Variants in SORCS1 observed in about 807,000 individuals in gnomAD.
The protein encoded by SORCS1 is VPS10 domain-containing receptor SorCS1.
Under a neutral mutation model 146.1 loss-of-function variants are expected in SORCS1, and 60 were observed. The observed-to-expected ratio is 0.41, with a 90% CI of 0.33 to 0.51. The LOEUF is 0.51. Ranked by LOEUF, SORCS1 falls within the 20% of genes least tolerant of loss-of-function variation. SORCS1 has a pLI of 0.21. For missense variants in SORCS1, 1,352 were observed against 1,487.6 expected (o/e 0.91, Z 1.50); for synonymous variants, 637 against 584.0 (o/e 1.09, Z -1.31).
chr10:107,084,256 C>T lies in SORCS1; in HGVS notation c.558+79713G>A, dbSNP rs375804691. ...GACTATAGGTGCCCACCACCATACC[C>T]GGCTAATTTTTTTTTTTTTTTTTGT... On this transcript the variant is annotated intron_variant, in intron 1 of 25. Coordinates refer to ENST00000263054, the MANE Select transcript of SORCS1 (RefSeq NM_052918.5). Among the ~76,000 whole-genome samples, 13 of 148,738 alleles carry T rather than the reference C, an allele frequency of 8.7e-5. No individual in the cohort carries two copies. The East Asian group carries it at 9.8e-4, about 11-fold the overall frequency.
intron 1 of SORCS1, among the ~76,000 whole-genome samples, chr10:107,115,428 T>G (rs1005502046): frequency 1.3e-5 from 2 of 151,898 alleles, no homozygotes; most frequent in East Asian, 1.9e-4. Flanking sequence ...TGGAACAAAA[T>G]AGAGATCTCA....
intron 2 of SORCS1, among the ~76,000 whole-genome samples, chr10:106,955,333 C>G (rs977596030): frequency 6.6e-6 from 1 of 152,240 alleles, no homozygotes; most frequent in Non-Finnish European, 1.5e-5. Flanking sequence ...CTGGTCCAGC[C>G]ACAGCCTTGC....
At chr10:106,986,652 A>C (rs933762789) in intron 1 of SORCS1, among the ~76,000 whole-genome samples, 8 of 150,922 alleles carry the variant, frequency 5.3e-5, no homozygotes, top group African/African-American at 1.9e-4. Context: ...CAGGTACTAA[A>C]GCTCTGCTTA....
chr10:106,706,667 G>A (rs1313706525), intron 7 of SORCS1, 33 bp from the exon 8 acceptor site: 3 of 1,603,078 alleles, frequency 1.9e-6, no homozygotes, highest in Middle Eastern at 1.7e-4. Flanking sequence ...TAAGAAGCTC[G>A]AGCTACTGTA....
At chr10:107,151,641 T>A (rs1968808059) in intron 1 of SORCS1, among the ~76,000 whole-genome samples, 1 of 152,104 alleles carries the variant, frequency 6.6e-6, no homozygotes, top group Admixed American at 6.5e-5. Flanking sequence ...CCACAACAAG[T>A]GGGAATTCTG....
chr10:106,673,046 C>A (rs753664540), intron 14 of SORCS1, 61 bp from the exon 15 acceptor site: 148 of 1,373,890 alleles, frequency 1.1e-4, no homozygotes, highest in Non-Finnish European at 1.4e-4. Context: ...GTAATAACAA[C>A]AGAGAGCATT....
chr10:106,842,870 C>A (rs1949113387), intron 2 of SORCS1, among the ~76,000 whole-genome samples: 1 of 152,158 alleles, frequency 6.6e-6, no homozygotes, highest in African/African-American at 2.4e-5. Flanking sequence ...ACCTCAGCCT[C>A]CCAAAGTGCT....
chr10:106,729,097 T>C (rs988214280), intron 6 of SORCS1, among the ~76,000 whole-genome samples: 1 of 152,240 alleles, frequency 6.6e-6, no homozygotes, highest in African/African-American at 2.4e-5. Context: ...GAAACATTCA[T>C]TGCTGGTGTT....
intron 2 of SORCS1, among the ~76,000 whole-genome samples, chr10:106,872,519 T>A (rs186876584): frequency 2.0e-5 from 3 of 152,196 alleles, no homozygotes; most frequent in Admixed American, 1.3e-4. Flanking sequence ...AAGGTTTTAA[T>A]AGAATAATGG....
At chr10:107,046,437 T>A (rs1959458916) in intron 1 of SORCS1, among the ~76,000 whole-genome samples, 1 of 152,022 alleles carries the variant, frequency 6.6e-6, no homozygotes, top group African/African-American at 2.4e-5. Context: ...ACATGTAATA[T>A]ATATTTCTGT....
rs185605823 is a variant in SORCS1, at chr10:107,095,383, C to T, written c.558+68586G>A. On this transcript the variant is annotated intron_variant, in intron 1 of 25. Coordinates refer to ENST00000263054, the MANE Select transcript of SORCS1 (RefSeq NM_052918.5). ...AACCGAAGGGTACACATTGACCTGA[C>T]GCCACTTCCCCACCTCATCATGCTG... Among the ~76,000 whole-genome samples, 333 of 152,218 alleles carry T rather than the reference C, an allele frequency of 2.2e-3. 3 individuals carry two copies. Among genetic ancestry groups the T allele is most frequent in the African/African-American group, 7.5e-3 (311 of 41,524 alleles).
chr10:106,844,522 G>A (rs1306859913), intron 2 of SORCS1, among the ~76,000 whole-genome samples: 2 of 150,750 alleles, frequency 1.3e-5, no homozygotes, highest in Admixed American at 6.6e-5. Context: ...TCATTCTTTT[G>A]CAGGTGAATG....
chr10:106,955,587 G>A (rs1954899499), intron 2 of SORCS1, among the ~76,000 whole-genome samples: 1 of 152,250 alleles, frequency 6.6e-6, no homozygotes, highest in Admixed American at 6.5e-5. Flanking sequence ...TATGTGTGAA[G>A]CAATACAGTG....
intron 10 of SORCS1, among the ~76,000 whole-genome samples, chr10:106,683,187 T>C (rs1341414162): frequency 6.6e-6 from 1 of 152,236 alleles, no homozygotes; most frequent in Non-Finnish European, 1.5e-5. Context: ...TGCCTGATTC[T>C]TTTAACCAAT....
At chr10:106,957,391 C>G (rs1353453575) in intron 1 of SORCS1, among the ~76,000 whole-genome samples, 1 of 151,888 alleles carries the variant, frequency 6.6e-6, no homozygotes, top group African/African-American at 2.4e-5. Context: ...AGGCTGGTCT[C>G]GAACTCCTGA....
At chr10:106,621,014 G>A (rs994898667) in intron 19 of SORCS1, among the ~76,000 whole-genome samples, 1 of 152,074 alleles carries the variant, frequency 6.6e-6, no homozygotes, top group Non-Finnish European at 1.5e-5. Context: ...TATTTATTGG[G>A]TTTTAAAGGT....
chr10:106,924,349 G>C (rs879609941), intron 2 of SORCS1, among the ~76,000 whole-genome samples: 4 of 151,950 alleles, frequency 2.6e-5, no homozygotes, highest in African/African-American at 9.7e-5. Flanking sequence ...CTCAGTGATT[G>C]AAAGGAACAT....
At chr10:106,872,674 A>C (rs1589602748) in intron 2 of SORCS1, among the ~76,000 whole-genome samples, 1 of 152,344 alleles carries the variant, frequency 6.6e-6, no homozygotes, top group East Asian at 1.9e-4. Context: ...ATAAGCAGTT[A>C]CTACTGTGGT....
At position 106,829,666 on chromosome 10, in the gene SORCS1, C is replaced by T. The variant is rs1007730297; in HGVS notation, c.634G>A (p.Asp212Asn). Residue 212 changes from aspartate (D) to asparagine (N), a missense_variant, in exon 3 of 26, where the codon GAT (aspartate) becomes AAT (asparagine). This residue lies in a region of SORCS1 where 490 missense variants were observed against 489.1 expected (regional missense o/e 1.00). Transcript: ENST00000263054. ...AGCTTCTCATAGGTTGTTCCATAAT[C>T]GGTTGACCTATAATCCAAAAAGAGC... is the stretch of plus-strand genomic sequence containing the variant. ...ITESSLWRST[D>N]YGTTYEKLND... The T allele has an allele frequency of 3.1e-6, 5 of 1,602,850 alleles. No homozygotes were observed. The highest frequency in any genetic ancestry group is 4.3e-6 in the Non-Finnish European group (5 of 1,171,040).
Sources: allele counts gnomAD v4.1 joint callset (sites outside exome capture counted in the v4.1 genomes callset), GRCh38; gene constraint gnomAD v4.1.1; regional missense constraint gnomAD v4.1.1; transcripts MANE v1.5; gene names NCBI Gene and HGNC (gene_info 2026-07-23, HGNC 2026-07-21).